MYBL1: variants seen among roughly 807,000 people sequenced by gnomAD.
MYBL1 encodes MYB proto-oncogene like 1.
MYBL1 carries 17 observed loss-of-function variants against 96.3 expected under a neutral mutation model. That is an observed-to-expected ratio of 0.18 (90% CI 0.12 to 0.26). MYBL1 has a LOEUF of 0.26. MYBL1 is among the 10% of genes least tolerant of loss of function. The pLI is 1.00. For missense variants in MYBL1, 701 were observed against 882.9 expected, an observed-to-expected ratio of 0.79 and a Z score of 2.61; for synonymous variants, 282 against 292.7, an observed-to-expected ratio of 0.96 and a Z score of 0.37.
At chr8:66,593,336 A>G (rs1024693830) in intron 6 of MYBL1, 142 bp from the exon 7 acceptor site, 1 of 503,242 alleles carries the variant, frequency 2.0e-6, no homozygotes, top group African/African-American at 2.0e-5. Context: ...TGTTATACCT[A>G]TAATACTTTC....
intron 8 of MYBL1, among the ~76,000 whole-genome samples, chr8:66,592,165 C>T (rs1809673195): frequency 6.6e-6 from 1 of 151,978 alleles, no homozygotes. Context: ...ACTTGAGAGG[C>T]TGAGGTGGGG....
At chr8:66,601,677 A>G (rs1431308105) in intron 3 of MYBL1, 21 bp downstream of exon 3, 2 of 1,372,900 alleles carry the variant, frequency 1.5e-6, no homozygotes, top group African/African-American at 1.5e-5. Context: ...TGTTAGAAAT[A>G]TAATTTAATA....
intron 7 of MYBL1, among the ~76,000 whole-genome samples, 172 bp downstream of exon 7, chr8:66,592,948 A>G (rs1405399604): frequency 6.6e-6 from 1 of 152,194 alleles, no homozygotes; most frequent in Non-Finnish European, 1.5e-5. Flanking sequence ...TGTACAGTTT[A>G]TATTTCTTCA....
intron 3 of MYBL1, 32 bp from the exon 4 acceptor site, chr8:66,599,174 CA>C: frequency 6.7e-7 from 1 of 1,484,306 alleles, no homozygotes; most frequent in Non-Finnish European, 9.0e-7. Context: ...TGTTATTAAA[CA>C]ACTGTCTTCC....
intron 12 of MYBL1, among the ~76,000 whole-genome samples, chr8:66,567,965 T>C (rs1366043956): frequency 6.7e-6 from 1 of 149,632 alleles, no homozygotes; most frequent in African/African-American, 2.5e-5. Context: ...GAGAATTGCT[T>C]GAACCCAGGA....
rs781377617 is a variant in MYBL1 at position 66,612,865 on chromosome 8, T to G, written c.-27A>C. 12 of 1,349,876 alleles carry G rather than the reference T, an allele frequency of 8.9e-6. No homozygotes were observed. The highest frequency in any genetic ancestry group is 1.2e-5 in the Non-Finnish European group (12 of 1,040,674). 83.6% of individuals were successfully genotyped at this position (1,349,876 alleles called of 1,614,324 possible). On this transcript the variant is annotated 5_prime_UTR_variant, in exon 1 of 16. Transcript: ENST00000522677. The stretch of plus-strand genomic sequence containing the variant: ...CTTCAAGTACCGCATAGGAGCAGGC[T>G]GGGCGGGGACGCGGGTCAGCCTCCT...
intron 1 of MYBL1, among the ~76,000 whole-genome samples, chr8:66,602,916 T>G (rs1810161496): frequency 6.6e-6 from 1 of 150,910 alleles, no homozygotes; most frequent in Non-Finnish European, 1.5e-5. Context: ...CAGCTAATTT[T>G]TTGTATTTTT....
At chr8:66,609,927 C>G (rs1413260644) in intron 1 of MYBL1, among the ~76,000 whole-genome samples, 1 of 151,952 alleles carries the variant, frequency 6.6e-6, no homozygotes, top group African/African-American at 2.4e-5. Context: ...TCACTCCCAC[C>G]CATTTTGCTG....
At chr8:66,600,788 T>C (rs1810036839) in intron 3 of MYBL1, among the ~76,000 whole-genome samples, 1 of 152,208 alleles carries the variant, frequency 6.6e-6, no homozygotes, top group African/African-American at 2.4e-5. Flanking sequence ...ATAGTTAACA[T>C]GGTTTCTGAA....
Position 66,566,761 on chromosome 8 carries a change from T to C in MYBL1, c.1873A>G (p.Lys625Glu), listed in dbSNP as rs1808520458. 1 of 1,610,006 alleles carries C rather than the reference T, an allele frequency of 6.2e-7. No homozygotes were observed. The highest frequency in any genetic ancestry group is 1.3e-5 in the African/African-American group (1 of 74,854). Residue 625 changes from lysine to glutamate, a missense_variant, in exon 14 of 16, where the codon AAA (lysine) becomes GAA (glutamate). Around this residue, in one of 5 missense-constraint regions of MYBL1, gnomAD observed 63 missense variants for 109.2 expected, o/e 0.58. Coordinates refer to ENST00000522677, the MANE Select transcript of MYBL1 (RefSeq NM_001080416.4). ...TCCCAATTATCTAAGACTAGTGATT[T>C]TCTGACTTTCTTCCCAGAAGCGGTA... ...ENTASGKKVR[K>E]SLVLDNWEKE...
At chr8:66,573,596 T>TC in intron 10 of MYBL1, 90 bp from the exon 11 acceptor site, 1 of 1,121,756 alleles carries the variant, frequency 8.9e-7, no homozygotes, top group Admixed American at 3.1e-5. Flanking sequence ...AATTATTTCT[T>TC]CATACCTCTT....
At chr8:66,608,763 T>C (rs1487572105) in intron 1 of MYBL1, among the ~76,000 whole-genome samples, 1 of 152,158 alleles carries the variant, frequency 6.6e-6, no homozygotes, top group Non-Finnish European at 1.5e-5. Flanking sequence ...AATAATTTAA[T>C]AAAATTGGCT....
At chr8:66,599,566 C>T (rs922768077) in intron 3 of MYBL1, among the ~76,000 whole-genome samples, 7 of 152,056 alleles carry the variant, frequency 4.6e-5, no homozygotes, top group South Asian at 2.1e-4. Context: ...TTTCGGAGGC[C>T]GAGGTGGGTG....
chr8:66,565,049 A>G (rs907057941), intron 15 of MYBL1: 3 of 262,598 alleles, frequency 1.1e-5, no homozygotes, highest in Non-Finnish European at 1.4e-5. Flanking sequence ...TTAGCTATCT[A>G]TATTGCTTAC....
intron 8 of MYBL1, among the ~76,000 whole-genome samples, chr8:66,588,323 A>G (rs1319601280): frequency 7.1e-6 from 1 of 140,054 alleles, no homozygotes; most frequent in Non-Finnish European, 1.5e-5. Flanking sequence ...TCTGTCGTCC[A>G]GGCTGGAATG....
At chr8:66,566,011 G>C (rs764982746) in intron 15 of MYBL1, 53 bp downstream of exon 15, 6 of 1,213,870 alleles carry the variant, frequency 4.9e-6, no homozygotes, top group Non-Finnish European at 6.9e-6. Context: ...AATCCAAAGT[G>C]ATCATTGACT....
Position 66,612,614 on chromosome 8 carries a change from C to T in MYBL1, c.20+205G>A, listed in dbSNP as rs13255518. The T allele has an allele frequency of 6.8e-3, 3,247 of 476,678 alleles. 18 individuals are homozygous for T. Among genetic ancestry groups the T allele is most frequent in the Middle Eastern group, 0.016 (28 of 1,792 alleles). The allele number at this position is 476,678 out of a possible 1,614,324, so 29.5% of individuals were successfully genotyped here. The stretch of plus-strand genomic sequence containing the variant: ...GAGAAACCTGGGCATCTCTTACGTC[C>T]CGCGCCTCAAACACCCTGGTCCCCA... On this transcript the variant is annotated intron_variant, in intron 1 of 15. Coordinates refer to ENST00000522677, the MANE Select transcript of MYBL1 (RefSeq NM_001080416.4).
At chr8:66,579,672 A>G (rs1463575311) in intron 9 of MYBL1, among the ~76,000 whole-genome samples, 1 of 151,586 alleles carries the variant, frequency 6.6e-6, no homozygotes, top group Non-Finnish European at 1.5e-5. Context: ...AAAAAAAATC[A>G]AGTTTAAAAA....
intron 8 of MYBL1, among the ~76,000 whole-genome samples, chr8:66,587,283 C>T (rs1453116018): frequency 6.6e-6 from 1 of 152,052 alleles, no homozygotes; most frequent in Non-Finnish European, 1.5e-5. Flanking sequence ...TTGACCAAGA[C>T]ACATTGCATA....
Sources: gnomAD v4.1 joint callset for allele counts (sites outside exome capture counted in the v4.1 genomes callset) on GRCh38, gnomAD v4.1.1 for gene constraint, gnomAD v4.1.1 regional missense constraint, MANE v1.5 for transcripts, NCBI Gene and HGNC (gene_info 2026-07-23, HGNC 2026-07-21) for gene names.